Variants in CELF2 observed in about 807,000 individuals in gnomAD.
CELF2 encodes CUG triplet repeat RNA-binding protein 2.
Under a neutral mutation model 62.6 loss-of-function variants are expected in CELF2, and 8 were observed. That is an observed-to-expected ratio of 0.13 (90% confidence interval 0.07 to 0.23). The LOEUF (loss-of-function observed/expected upper bound fraction) is 0.23. CELF2 is among the 10% of genes least tolerant of loss of function. The pLI is 1.00. For synonymous variants in CELF2, 258 were observed against 250.0 expected, an observed-to-expected ratio of 1.03 and a Z score of -0.30; for missense variants, 333 against 671.0, an observed-to-expected ratio of 0.50 and a Z score of 5.56.
the CELF2 span, among the ~76,000 whole-genome samples, chr10:10,648,494 T>G: frequency 6.6e-6 from 1 of 152,172 alleles, no homozygotes; most frequent in Non-Finnish European, 1.5e-5. Context: ...CAGGAAGGGT[T>G]GCAGTAGGTA....
intron 3 of CELF2, among the ~76,000 whole-genome samples, chr10:11,241,026 C>A (rs1457161087): frequency 6.6e-6 from 1 of 152,020 alleles, no homozygotes; most frequent in Non-Finnish European, 1.5e-5. Flanking sequence ...CTCATAGGTA[C>A]CGATTTCTGG....
chr10:11,148,260 A>G (rs921066802), intron 1 of CELF2, among the ~76,000 whole-genome samples: 5 of 152,236 alleles, frequency 3.3e-5, no homozygotes, highest in African/African-American at 1.2e-4. Flanking sequence ...ATTTTGGGCA[A>G]CAGTGAGAAC....
chr10:10,527,426 G>A, the CELF2 span, among the ~76,000 whole-genome samples: 5 of 129,308 alleles, frequency 3.9e-5, no homozygotes, highest in Admixed American at 3.6e-4. Context: ...CAGCCTAGAC[G>A]ACAGAGCAAA....
the CELF2 span, among the ~76,000 whole-genome samples, chr10:10,551,713 T>A: frequency 6.6e-6 from 1 of 152,108 alleles, no homozygotes; most frequent in Non-Finnish European, 1.5e-5. Flanking sequence ...GATCCAGGGC[T>A]CCCCGACAAC....
At chr10:11,129,940 C>T (rs898724964) in intron 1 of CELF2, among the ~76,000 whole-genome samples, 1 of 152,086 alleles carries the variant, frequency 6.6e-6, no homozygotes, top group African/African-American at 2.4e-5. Flanking sequence ...GCTCTTGCTT[C>T]TCTAGTTCTT....
the CELF2 span, among the ~76,000 whole-genome samples, chr10:10,774,563 C>T: frequency 2.0e-5 from 3 of 152,194 alleles, no homozygotes; most frequent in African/African-American, 7.2e-5. Flanking sequence ...TCGCTCCTGC[C>T]ATGTGAGATG....
At chr10:11,219,557 T>G (rs538627630) in intron 3 of CELF2, among the ~76,000 whole-genome samples, 2 of 152,224 alleles carry the variant, frequency 1.3e-5, no homozygotes, top group Non-Finnish European at 2.9e-5. Context: ...AAGTCAGATC[T>G]GATTTGTAAG....
At chr10:10,873,178 G>A (rs2060864944) in intron 1 of CELF2, among the ~76,000 whole-genome samples, 1 of 152,158 alleles carries the variant, frequency 6.6e-6, no homozygotes, top group Admixed American at 6.5e-5. Flanking sequence ...GTAGGGGAGA[G>A]AGTGCATAAA....
the CELF2 span, among the ~76,000 whole-genome samples, chr10:10,479,957 G>A: frequency 3.3e-5 from 5 of 152,136 alleles, no homozygotes; most frequent in East Asian, 1.9e-4. Flanking sequence ...CTGACCTGGC[G>A]ATTTAGCCTG....
At chr10:11,212,737 G>GTTTTTTT (rs11354880) in intron 2 of CELF2, among the ~76,000 whole-genome samples, 2 of 91,982 alleles carry the variant, frequency 2.2e-5, no homozygotes, top group African/African-American at 3.9e-5. Context: ...TGTGTTTTGG[G>GTTTTTTT]TTTTTTTTTT....
chr10:11,331,992 A>AGATCC lies in CELF2; in HGVS notation c.*2940_*2944dup, dbSNP rs2132945963. ...GTTTGACTACTTTGTTCTTTGGTTAAGATCCAAAAGAAAACAGAAAACAAT... is the reference window on the plus strand; with the variant it reads ...GTTTGACTACTTTGTTCTTTGGTTAAGATCCGATCCAAAAGAAAACAGAAAACAAT... On this transcript the variant is annotated 3_prime_UTR_variant, in exon 13 of 13. Transcript: ENST00000633077. The AGATCC allele has an allele frequency of 6.6e-6, 1 of 152,322 alleles. No homozygotes were observed. Among genetic ancestry groups the AGATCC allele is most frequent in the South Asian group, 2.1e-4 (1 of 4,832 alleles). The allele number at this position is 152,322 out of a possible 1,614,324, so 9.4% of individuals were successfully genotyped here.
At chr10:11,312,542 T>A (rs898896829) in intron 9 of CELF2, among the ~76,000 whole-genome samples, 15 of 152,248 alleles carry the variant, frequency 9.9e-5, no homozygotes, top group African/African-American at 3.4e-4. Context: ...TAACTTTGAT[T>A]TTCATAAGTT....
At position 11,309,421 on chromosome 10, in the gene CELF2, T is replaced by C. The variant is rs528982648; in HGVS notation, c.977-4718T>C. 1.3e-5 allele frequency among the ~76,000 whole-genome samples: 2 copies of C among 152,390 alleles called. No individual in the cohort carries two copies. Among genetic ancestry groups the C allele is most frequent in the South Asian group, 2.1e-4 (1 of 4,828 alleles). On this transcript the variant is annotated intron_variant, in intron 9 of 12. Transcript: ENST00000633077. The surrounding 1 kb of genome is among the most constrained non-coding windows in gnomAD (Gnocchi z 5.6). Reference sequence around the variant, plus strand: ...AGCCTTGAGCTATGAGTGACATTCCTATTTTTCCTTTGTTAAATTACAAAA... The same window carrying C: ...AGCCTTGAGCTATGAGTGACATTCCCATTTTTCCTTTGTTAAATTACAAAA...
chr10:10,838,073 G>A (rs1259113136), intron 1 of CELF2, among the ~76,000 whole-genome samples: 1 of 152,138 alleles, frequency 6.6e-6, no homozygotes, highest in Non-Finnish European at 1.5e-5. Context: ...TACATTTAGT[G>A]TCACGTTTCC....
intron 1 of CELF2, among the ~76,000 whole-genome samples, chr10:11,032,471 T>C (rs2060287871): frequency 1.3e-5 from 2 of 152,184 alleles, no homozygotes; most frequent in African/African-American, 4.8e-5. Context: ...TGTTATATCT[T>C]AGTATTTTGT....
Position 11,306,921 on chromosome 10 carries a change from C to T in CELF2, c.977-7218C>T, listed in dbSNP as rs2094258544. The stretch of plus-strand genomic sequence containing the variant: ...TCATTGTCATCAATAACAAAAGGGG[C>T]CCAGGGAGTTTCTAGGCCGCCTCCA... On this transcript the variant is annotated intron_variant, in intron 9 of 12. Coordinates refer to ENST00000633077, the MANE Select transcript of CELF2 (RefSeq NM_001326342.2). This position sits in a 1 kb window ranked among gnomAD's most constrained non-coding sequence, Gnocchi z 4.4. 6.6e-6 allele frequency among the ~76,000 whole-genome samples: 1 copy of T among 152,174 alleles called. No homozygotes were observed.
chr10:10,692,060 G>A, the CELF2 span, among the ~76,000 whole-genome samples: 1 of 150,858 alleles, frequency 6.6e-6, no homozygotes, highest in Non-Finnish European at 1.5e-5. Context: ...TGCTTTTGGT[G>A]TTTTAGACAT....
intron 1 of CELF2, among the ~76,000 whole-genome samples, chr10:11,025,237 GTGTA>G (rs1442076114): frequency 6.8e-4 from 34 of 49,860 alleles, no homozygotes; most frequent in African/African-American, 1.2e-3. Context: ...GTGTGTGTGT[GTGTA>G]TATGTATGTG....
At chr10:10,883,315 C>G (rs2061550352) in intron 1 of CELF2, among the ~76,000 whole-genome samples, 1 of 152,142 alleles carries the variant, frequency 6.6e-6, no homozygotes, top group African/African-American at 2.4e-5. Context: ...TTTAAAATTC[C>G]TTACATAAAT....
Sources: gnomAD v4.1 joint callset for allele counts (sites outside exome capture counted in the v4.1 genomes callset) on GRCh38, gnomAD v4.1.1 for gene constraint, Gnocchi (gnomAD v3.1) non-coding constraint, MANE v1.5 for transcripts, NCBI Gene and HGNC (gene_info 2026-07-23, HGNC 2026-07-21) for gene names.